Variants in CREB5 observed in about 807,000 individuals in gnomAD.
The protein encoded by CREB5 is cyclic AMP-responsive element-binding protein 5.
In CREB5, 19 loss-of-function variants were observed where a neutral mutation model predicts 57.1. The ratio of observed to expected loss-of-function variants is 0.33; its 90% CI spans 0.23 to 0.49. The LOEUF is 0.49. Ranked by LOEUF, CREB5 falls within the 20% of genes least tolerant of loss-of-function variation. CREB5 has a pLI of 0.99. For missense variants in CREB5, 579 were observed against 671.6 expected (o/e 0.86, Z 1.52); for synonymous variants, 238 against 238.3 (o/e 1.00, Z 0.01).
intron 5 of CREB5, among the ~76,000 whole-genome samples, chr7:28,654,297 C>T (rs1799251207): frequency 6.6e-6 from 1 of 152,236 alleles, no homozygotes; most frequent in Non-Finnish European, 1.5e-5. Context: ...GCTGACACCA[C>T]TCGAACAGCT....
At chr7:28,384,717 G>A (rs111341094) in intron 1 of CREB5, among the ~76,000 whole-genome samples, 31 of 151,962 alleles carry the variant, frequency 2.0e-4, no homozygotes, top group Non-Finnish European at 3.8e-4. Context: ...AGCACTGATA[G>A]CATATTTGGT....
At chr7:28,384,708 G>C (rs1291052520) in intron 1 of CREB5, among the ~76,000 whole-genome samples, 1 of 151,694 alleles carries the variant, frequency 6.6e-6, no homozygotes, top group East Asian at 1.9e-4. Context: ...TATCATCAGA[G>C]CACTGATAGC....
Position 28,718,773 on chromosome 7 carries a change from C to T in CREB5, c.485C>T (p.Ser162Phe). Residue 162 changes from serine (S) to phenylalanine (F), a missense_variant, in exon 6 of 11, where the codon TCT becomes TTT. Ser to Phe is a radical substitution (Grantham distance 155, BLOSUM62 -2). This residue lies in a region of CREB5 where 459 missense variants were observed against 515.7 expected (regional missense o/e 0.89). Transcript: ENST00000357727. The part of the protein sequence containing the change: ...RQIGPVPGSL[S>F]SLLHLHNRQR... ...CCCAGGCCTGTCCCAGGCTCTCTAT[C>T]TTCTCTGCTACATCTCCACAACAGA... 2 of 1,614,048 alleles carry T rather than the reference C, an allele frequency of 1.2e-6. No individual in the cohort carries two copies. The highest frequency in any genetic ancestry group is 2.2e-5 in the South Asian group (2 of 91,088).
At chr7:28,458,527 A>T (rs1201948285) in intron 1 of CREB5, among the ~76,000 whole-genome samples, 2 of 152,218 alleles carry the variant, frequency 1.3e-5, no homozygotes. Flanking sequence ...ATTACTGAAC[A>T]TTGAAGTTAT....
chr7:28,306,559 T>TG (rs1220729016), intron 1 of CREB5, among the ~76,000 whole-genome samples: 2 of 91,754 alleles, frequency 2.2e-5, no homozygotes, highest in Non-Finnish European at 4.6e-5. Context: ...TTTTTTGTTT[T>TG]TTTTTTTTTT....
At chr7:28,436,170 A>C (rs2128558104) in intron 1 of CREB5, among the ~76,000 whole-genome samples, 1 of 152,136 alleles carries the variant, frequency 6.6e-6, no homozygotes, top group East Asian at 1.9e-4. Context: ...AAATGTGTGC[A>C]TTCCTGCAAC....
chr7:28,528,652 C>T (rs913588857), intron 4 of CREB5, among the ~76,000 whole-genome samples: 6 of 139,556 alleles, frequency 4.3e-5, no homozygotes, highest in African/African-American at 1.3e-4. Flanking sequence ...TGCAGTGAGC[C>T]GAGATCGCGC....
At chr7:28,651,397 C>T (rs181409941) in intron 5 of CREB5, among the ~76,000 whole-genome samples, 6 of 152,196 alleles carry the variant, frequency 3.9e-5, no homozygotes, top group Admixed American at 2.6e-4. Flanking sequence ...TTGTTAATGT[C>T]ATAGCAGCAT....
At chr7:28,659,340 A>C (rs1799498024) in intron 5 of CREB5, among the ~76,000 whole-genome samples, 1 of 152,152 alleles carries the variant, frequency 6.6e-6, no homozygotes, top group Admixed American at 6.5e-5. Flanking sequence ...AGAAGGGCAA[A>C]CTGAGCTTTA....
intron 1 of CREB5, among the ~76,000 whole-genome samples, chr7:28,434,361 T>A (rs1466255626): frequency 6.6e-6 from 1 of 152,240 alleles, no homozygotes; most frequent in Non-Finnish European, 1.5e-5. Flanking sequence ...AGAATTTTAA[T>A]CGAATGCCAA....
chr7:28,312,730 T>G (rs1374128440), intron 1 of CREB5, among the ~76,000 whole-genome samples: 1 of 152,116 alleles, frequency 6.6e-6, no homozygotes, highest in East Asian at 1.9e-4. Context: ...TCTCCAGAAA[T>G]TAGTCCCAGG....
intron 1 of CREB5, among the ~76,000 whole-genome samples, chr7:28,442,837 T>C (rs946136215): frequency 3.3e-5 from 5 of 152,208 alleles, no homozygotes; most frequent in Non-Finnish European, 7.3e-5. Flanking sequence ...TAAGATCACT[T>C]AGTCACATTT....
chr7:28,533,837 T>G (rs1228194281), intron 4 of CREB5, among the ~76,000 whole-genome samples: 1 of 152,208 alleles, frequency 6.6e-6, no homozygotes, highest in African/African-American at 2.4e-5. Flanking sequence ...CCTCCTCTTC[T>G]TCCTCCTCTT....
Position 28,642,291 on chromosome 7 carries a change from G to C in CREB5, c.464+71754G>C, listed in dbSNP as rs560276212. ...TTTGCAATGCAAAGAATTTTTGCCTGTGGAGATTTTTGTAGTTCAACAGCA... is the reference window on the plus strand; with the variant it reads ...TTTGCAATGCAAAGAATTTTTGCCTCTGGAGATTTTTGTAGTTCAACAGCA... On this transcript the variant is annotated intron_variant, in intron 5 of 10. Coordinates refer to ENST00000357727, the MANE Select transcript of CREB5 (RefSeq NM_182898.4). Among the ~76,000 whole-genome samples the C allele has an allele frequency of 2.6e-5, 4 of 152,284 alleles. No individual in the cohort carries two copies. In the South Asian group the frequency reaches 8.3e-4, roughly 32 times the overall value.
intron 4 of CREB5, among the ~76,000 whole-genome samples, chr7:28,527,277 C>G (rs1299989372): frequency 1.3e-5 from 2 of 152,186 alleles, no homozygotes; most frequent in African/African-American, 2.4e-5. Flanking sequence ...GTTACTGAAG[C>G]TGAATATTCC....
chr7:28,584,008 C>T (rs1796220446), intron 5 of CREB5, among the ~76,000 whole-genome samples: 2 of 152,146 alleles, frequency 1.3e-5, no homozygotes, highest in Admixed American at 1.3e-4. Context: ...CACACTTCCA[C>T]TCCACTTTTT....
chr7:28,329,050 C>G (rs996355589), intron 1 of CREB5, among the ~76,000 whole-genome samples: 6 of 149,726 alleles, frequency 4.0e-5, no homozygotes, highest in Non-Finnish European at 7.5e-5. Flanking sequence ...GTAAACATCA[C>G]TTCAGTGTAA....
At chr7:28,334,990 T>G (rs967183463) in intron 1 of CREB5, among the ~76,000 whole-genome samples, 11 of 152,230 alleles carry the variant, frequency 7.2e-5, no homozygotes, top group Non-Finnish European at 1.2e-4. Context: ...CTTGTCACTC[T>G]CATCCAAAAG....
chr7:28,412,480 G>A (rs117468818), upstream of CREB5: 360 of 155,278 alleles, frequency 2.3e-3, 4 homozygotes, highest in Middle Eastern at 9.6e-3. Flanking sequence ...GCTGCGTAGC[G>A]CAGGAGTATA....
Sources: allele counts gnomAD v4.1 joint callset (sites outside exome capture counted in the v4.1 genomes callset), GRCh38; gene constraint gnomAD v4.1.1; regional missense constraint gnomAD v4.1.1; transcripts MANE v1.5; gene names NCBI Gene and HGNC (gene_info 2026-07-23, HGNC 2026-07-21).